RNGTT: variants seen among roughly 807,000 people sequenced by gnomAD.
RNGTT encodes mRNA-capping enzyme.
A neutral mutation model predicts 79.3 loss-of-function variants in RNGTT; 33 were observed. The ratio of observed to expected loss-of-function variants is 0.42; its 90% CI spans 0.32 to 0.56. The LOEUF (loss-of-function observed/expected upper bound fraction) is 0.56. Ranked by LOEUF, RNGTT falls within the 20% of genes least tolerant of loss-of-function variation. The probability of loss-of-function intolerance (pLI) is 0.17; values close to 1 mark genes in which losing one functional copy is unlikely to be tolerated. For synonymous variants in RNGTT, 222 were observed against 235.9 expected, an observed-to-expected ratio of 0.94 and a Z score of 0.54; for missense variants, 497 against 739.1, an observed-to-expected ratio of 0.67 and a Z score of 3.80.
At chr6:88,615,341 T>C (rs747626001) in intron 14 of RNGTT, among the ~76,000 whole-genome samples, 11 of 152,166 alleles carry the variant, frequency 7.2e-5, no homozygotes, top group Non-Finnish European at 1.6e-4. Context: ...GAGAAGTAAG[T>C]TTTTAAAAGA....
At chr6:88,920,551 A>G (rs920269400) in intron 4 of RNGTT, among the ~76,000 whole-genome samples, 2 of 152,216 alleles carry the variant, frequency 1.3e-5, no homozygotes, top group East Asian at 1.9e-4. Context: ...ATATTGAGGT[A>G]TATGACTAGA....
chr6:88,789,755 A>T (rs1779344062), intron 12 of RNGTT, among the ~76,000 whole-genome samples: 1 of 152,190 alleles, frequency 6.6e-6, no homozygotes, highest in African/African-American at 2.4e-5. Context: ...AGTAATCCTC[A>T]TCATCTTTTG....
intron 14 of RNGTT, among the ~76,000 whole-genome samples, chr6:88,641,066 T>G (rs972226613): frequency 2.0e-5 from 3 of 152,146 alleles, no homozygotes. Flanking sequence ...ACCGGCCGGG[T>G]GCGGTGGCTC....
intron 14 of RNGTT, among the ~76,000 whole-genome samples, chr6:88,649,615 T>G (rs537583121): frequency 2.5e-3 from 378 of 151,836 alleles, no homozygotes; most frequent in Non-Finnish European, 4.2e-3. Flanking sequence ...GAGAATGGCG[T>G]GAACCCGGGA....
chr6:88,906,516 C>G, intron 4 of RNGTT, 76 bp from the exon 5 acceptor site: 1 of 751,138 alleles, frequency 1.3e-6, no homozygotes, highest in Non-Finnish European at 2.2e-6. Context: ...TTCCAACCTG[C>G]AATCAAAACA....
chr6:88,878,297 A>C (rs1039284648), intron 8 of RNGTT, among the ~76,000 whole-genome samples: 2 of 151,898 alleles, frequency 1.3e-5, no homozygotes, highest in African/African-American at 4.8e-5. Flanking sequence ...GGTTTTTGCC[A>C]TGTTGGTTAG....
chr6:88,738,635 G>C (rs1480048654), intron 13 of RNGTT, among the ~76,000 whole-genome samples: 3 of 152,094 alleles, frequency 2.0e-5, no homozygotes, highest in Non-Finnish European at 1.5e-5. Context: ...GACAGAGTGA[G>C]ACCCCGTCTC....
chr6:88,679,790 A>G (rs1265961113), intron 13 of RNGTT, among the ~76,000 whole-genome samples: 1 of 152,184 alleles, frequency 6.6e-6, no homozygotes, highest in Non-Finnish European at 1.5e-5. Context: ...ACTGACCTAA[A>G]TGTAGATATA....
At chr6:88,776,857 G>A (rs1778904845) in intron 12 of RNGTT, among the ~76,000 whole-genome samples, 1 of 152,022 alleles carries the variant, frequency 6.6e-6, no homozygotes, top group Non-Finnish European at 1.5e-5. Flanking sequence ...TTAGTTTCAT[G>A]TAGTCCCAGT....
chr6:88,823,211 A>G (rs1780549465), intron 11 of RNGTT, among the ~76,000 whole-genome samples: 1 of 152,078 alleles, frequency 6.6e-6, no homozygotes, highest in African/African-American at 2.4e-5. Flanking sequence ...TGGGTAACCT[A>G]AGGTCAGGAG....
chr6:88,837,257 T>C (rs1781111665), intron 11 of RNGTT, among the ~76,000 whole-genome samples: 2 of 151,794 alleles, frequency 1.3e-5, no homozygotes, highest in South Asian at 4.2e-4. Flanking sequence ...ATTAGCTGAG[T>C]GTGGTGGCAC....
At chr6:88,737,250 C>CTA (rs1051494328) in intron 13 of RNGTT, among the ~76,000 whole-genome samples, 2 of 152,134 alleles carry the variant, frequency 1.3e-5, no homozygotes, top group African/African-American at 4.8e-5. Flanking sequence ...AATGTTTATC[C>CTA]TATGCCTGTC....
intron 14 of RNGTT, among the ~76,000 whole-genome samples, chr6:88,653,598 A>G (rs780827809): frequency 2.9e-4 from 44 of 152,310 alleles, no homozygotes; most frequent in Non-Finnish European, 5.0e-4. Context: ...ACAAAGATAT[A>G]CTAAGCCCAA....
intron 13 of RNGTT, among the ~76,000 whole-genome samples, chr6:88,688,729 G>T (rs1358832593): frequency 6.6e-6 from 1 of 152,052 alleles, no homozygotes; most frequent in African/African-American, 2.4e-5. Context: ...ATACAGCTCT[G>T]ACCCTTGAAT....
At chr6:88,645,763 C>T (rs532450523) in intron 14 of RNGTT, among the ~76,000 whole-genome samples, 4 of 152,308 alleles carry the variant, frequency 2.6e-5, no homozygotes, top group South Asian at 4.1e-4. Context: ...AAAGGATTCC[C>T]TATTTAACAA....
rs746709950 is a variant in RNGTT at position 88,904,756 on chromosome 6, T to C, written c.643A>G (p.Ser215Gly). Reference sequence around the variant, plus strand: ...TTTCTCCTTTTGCCAAAAGAAGCACTTGACCCGGGTTCTGATTCCTTCTTT... The same window carrying C: ...TTTCTCCTTTTGCCAAAAGAAGCACCTGACCCGGGTTCTGATTCCTTCTTT... ...DGKKESEPGSSASFGKRRKER... is the reference protein window; with the variant it reads ...DGKKESEPGSGASFGKRRKER... Residue 215 changes from serine to glycine, a missense_variant, in exon 6 of 16, where the codon AGT (serine) becomes GGT (glycine). Ser to Gly is a moderately conservative substitution (Grantham distance 56). Around this residue, in one of 3 missense-constraint regions of RNGTT, gnomAD observed 440 missense variants for 671.5 expected, o/e 0.66. Transcript: ENST00000369485. 1 of 1,614,114 alleles carries C rather than the reference T, an allele frequency of 6.2e-7. No homozygotes were observed. Among genetic ancestry groups the C allele is most frequent in the Admixed American group, 1.7e-5 (1 of 60,010 alleles).
intron 8 of RNGTT, among the ~76,000 whole-genome samples, chr6:88,870,911 C>T (rs1782331486): frequency 1.3e-5 from 2 of 152,114 alleles, no homozygotes; most frequent in African/African-American, 4.8e-5. Context: ...TAAACCTGGT[C>T]CTCTGCTGCC....
intron 14 of RNGTT, among the ~76,000 whole-genome samples, chr6:88,674,713 G>A (rs1774792376): frequency 1.3e-5 from 2 of 151,722 alleles, no homozygotes; most frequent in African/African-American, 4.8e-5. Context: ...CAAACGGATA[G>A]AAGAAAAATA....
chr6:88,654,315 T>G (rs1464696643), intron 14 of RNGTT, among the ~76,000 whole-genome samples: 1 of 152,184 alleles, frequency 6.6e-6, no homozygotes, highest in Non-Finnish European at 1.5e-5. Context: ...TACAGAAAAT[T>G]TAGCCATTAT....
Sources: gnomAD v4.1 joint callset for allele counts (sites outside exome capture counted in the v4.1 genomes callset) on GRCh38, gnomAD v4.1.1 for gene constraint, gnomAD v4.1.1 regional missense constraint, MANE v1.5 for transcripts, NCBI Gene and HGNC (gene_info 2026-07-23, HGNC 2026-07-21) for gene names.